Variants in SPAST observed in about 807,000 individuals in gnomAD.
SPAST encodes spastic paraplegia 4 (autosomal dominant; spastin).
In SPAST, 30 loss-of-function variants were observed where a neutral mutation model predicts 76.6. That is an observed-to-expected ratio of 0.39 (90% CI 0.29 to 0.53). The LOEUF (loss-of-function observed/expected upper bound fraction) is 0.53. Ranked by LOEUF, SPAST falls within the 20% of genes least tolerant of loss-of-function variation. SPAST has a pLI of 0.68. For missense variants in SPAST, 717 were observed against 770.5 expected (o/e 0.93, Z 0.82); for synonymous variants, 305 against 281.0 (o/e 1.09, Z -0.86).
At position 32,063,894 on chromosome 2, in the gene SPAST, T is replaced by C. The variant is rs1676388360; in HGVS notation, c.63T>C (p.Pro21=). 6.3e-7 allele frequency: 1 copy of C among 1,580,664 alleles called. No individual in the cohort carries two copies. The highest frequency in any genetic ancestry group is 2.3e-5 in the East Asian group (1 of 43,598). ...KGSGGASNPV[P]PRPPPPCLAP... ...CCGGCGGCGCCAGCAACCCGGTGCC[T>C]CCCAGGCCTCCGCCCCCTTGCCTGG... Residue 21 remains proline (P), a synonymous_variant, in exon 1 of 17, where the codon CCT becomes CCC. Transcript: ENST00000315285.
rs886268482 is a variant in SPAST at position 32,135,501 on chromosome 2, G to A, written c.1246-1062G>A. Among the ~76,000 whole-genome samples, 3 of 152,014 alleles carry A rather than the reference G, an allele frequency of 2.0e-5. No homozygotes were observed. In the East Asian group the frequency reaches 5.8e-4, roughly 29 times the overall value. ...TTTTAAGTTAAATCTTCAGTAAAAAGAATAAATGCCACCTAGAGGACAGAA... is the reference window on the plus strand; with the variant it reads ...TTTTAAGTTAAATCTTCAGTAAAAAAAATAAATGCCACCTAGAGGACAGAA... On this transcript the variant is annotated intron_variant, in intron 9 of 16. Coordinates refer to ENST00000315285, the MANE Select transcript of SPAST (RefSeq NM_014946.4).
intron 1 of SPAST, among the ~76,000 whole-genome samples, chr2:32,081,738 C>G (rs988215044): frequency 4.7e-5 from 6 of 127,818 alleles, no homozygotes; most frequent in Non-Finnish European, 7.8e-5. Context: ...AAGCCGAGAT[C>G]ATACCATTTC....
chr2:32,116,263 CATA>C, intron 7 of SPAST, 51 bp downstream of exon 7: 1 of 1,112,842 alleles, frequency 9.0e-7, no homozygotes, highest in Non-Finnish European at 1.4e-6. Context: ...TTACTGAATC[CATA>C]GTAGTAGTAG....
chr2:32,092,172 C>G (rs1558308056), intron 3 of SPAST, among the ~76,000 whole-genome samples: 1 of 152,196 alleles, frequency 6.6e-6, no homozygotes, highest in East Asian at 1.9e-4. Context: ...GTTAAAAATG[C>G]AGCCGTTACT....
intron 1 of SPAST, among the ~76,000 whole-genome samples, chr2:32,075,480 C>CAA (rs70938316): frequency 0.015 from 1,456 of 96,594 alleles, 14 homozygotes; most frequent in Non-Finnish European, 0.024. Flanking sequence ...ATTGTGATGA[C>CAA]AAAAAAAAAA....
At chr2:32,124,513 C>A (rs1156462928) in intron 7 of SPAST, among the ~76,000 whole-genome samples, 3 of 152,048 alleles carry the variant, frequency 2.0e-5, no homozygotes, top group Admixed American at 6.6e-5. Flanking sequence ...AAACTCTTAC[C>A]ATATGGTCCA....
intron 4 of SPAST, among the ~76,000 whole-genome samples, chr2:32,099,520 GT>G (rs1230064754): frequency 6.6e-6 from 1 of 152,014 alleles, no homozygotes; most frequent in Non-Finnish European, 1.5e-5. Flanking sequence ...CTAGCTTTTT[GT>G]TTAATTAAAA....
chr2:32,126,089 G>A (rs961383422), intron 7 of SPAST, among the ~76,000 whole-genome samples: 3 of 152,088 alleles, frequency 2.0e-5, no homozygotes, highest in Non-Finnish European at 4.4e-5. Context: ...GCCACTGTAA[G>A]CCACCGTGCC....
intron 1 of SPAST, among the ~76,000 whole-genome samples, chr2:32,073,181 A>G (rs926732464): frequency 4.6e-5 from 7 of 152,352 alleles, no homozygotes; most frequent in Middle Eastern, 3.4e-3. Flanking sequence ...AAGGATAGTT[A>G]GTAAATGGAT....
intron 3 of SPAST, among the ~76,000 whole-genome samples, chr2:32,094,192 T>C (rs755301146): frequency 1.3e-5 from 2 of 152,210 alleles, no homozygotes; most frequent in African/African-American, 2.4e-5. Flanking sequence ...TTCTGAGTTA[T>C]TGAAAGACAG....
chr2:32,101,959 C>G (rs2148720218), intron 4 of SPAST, among the ~76,000 whole-genome samples: 1 of 152,286 alleles, frequency 6.6e-6, no homozygotes, highest in African/African-American at 2.4e-5. Context: ...GCAATGCAGG[C>G]TCTTTTTTGG....
intron 13 of SPAST, among the ~76,000 whole-genome samples, chr2:32,142,243 A>C (rs1372463581): frequency 6.6e-6 from 1 of 152,178 alleles, no homozygotes; most frequent in Non-Finnish European, 1.5e-5. Context: ...GAATAAACAA[A>C]TGTGGTATAT....
chr2:32,112,792 C>T (rs1678666482), intron 4 of SPAST, among the ~76,000 whole-genome samples: 1 of 151,926 alleles, frequency 6.6e-6, no homozygotes, highest in Admixed American at 6.6e-5. Context: ...TTTTCTTAAA[C>T]CGTATTAAGA....
chr2:32,113,225 A>C (rs1678683873), intron 4 of SPAST, among the ~76,000 whole-genome samples: 1 of 151,688 alleles, frequency 6.6e-6, no homozygotes, highest in African/African-American at 2.4e-5. Context: ...AGCTGGAACT[A>C]CAGGGATGTG....
At chr2:32,101,208 C>A (rs1275836044) in intron 4 of SPAST, among the ~76,000 whole-genome samples, 1 of 152,240 alleles carries the variant, frequency 6.6e-6, no homozygotes, top group South Asian at 2.1e-4. Context: ...TCTCTGATGG[C>A]CAGTGATGAT....
Position 32,064,140 on chromosome 2 carries a change from G to T in SPAST, c.309G>T (p.Ser103=), listed in dbSNP as rs772530333. The stretch of plus-strand genomic sequence containing the variant: ...CCGCGCCAGCACCTGCCTCGGCCTC[G>T]GCCCCGGCGCCGGTGCCGGGCGGCG... ...SGAAPAPASA[S]APAPVPGGEA... The change falls in exon 1 of 17, where the codon TCG becomes TCT. Residue 103 remains serine (S), a synonymous_variant. Coordinates refer to ENST00000315285, the MANE Select transcript of SPAST (RefSeq NM_014946.4). 1 of 1,567,702 alleles carries T rather than the reference G, an allele frequency of 6.4e-7. No homozygotes were observed. The highest frequency in any genetic ancestry group is 1.9e-5 in the Admixed American group (1 of 52,172).
chr2:32,063,719 G>T lies in SPAST; in HGVS notation c.-113G>T. On this transcript the variant is annotated 5_prime_UTR_variant, in exon 1 of 17. Coordinates refer to ENST00000315285, the MANE Select transcript of SPAST (RefSeq NM_014946.4). Reference sequence around the variant, plus strand: ...GCGGCAGTGCGGAGCTCCTGAGACCGGCGGGCACACGGGGGTCTGTGGCCC... The same window carrying T: ...GCGGCAGTGCGGAGCTCCTGAGACCTGCGGGCACACGGGGGTCTGTGGCCC... The T allele has an allele frequency of 1.4e-6, 2 of 1,418,856 alleles. No homozygotes were observed. Among genetic ancestry groups the T allele is most frequent in the Non-Finnish European group, 1.9e-6 (2 of 1,061,138 alleles). 87.9% of individuals were successfully genotyped at this position (1,418,856 alleles called of 1,614,324 possible). A position where few individuals can be genotyped will look rare whatever the true frequency, so the allele number is the denominator to read the frequency against.
intron 1 of SPAST, among the ~76,000 whole-genome samples, chr2:32,072,880 T>C (rs1168362171): frequency 6.6e-6 from 1 of 152,224 alleles, no homozygotes; most frequent in Non-Finnish European, 1.5e-5. Flanking sequence ...CTTTGAAGTT[T>C]CTCTGATTAA....
chr2:32,120,026 CTTT>C (rs1334920064), intron 7 of SPAST, among the ~76,000 whole-genome samples: 1 of 143,708 alleles, frequency 7.0e-6, no homozygotes. Context: ...TTCTTTCTTT[CTTT>C]TTTTTTTTTT....
Sources: allele counts gnomAD v4.1 joint callset (sites outside exome capture counted in the v4.1 genomes callset), GRCh38; gene constraint gnomAD v4.1.1; transcripts MANE v1.5; gene names NCBI Gene and HGNC (gene_info 2026-07-23, HGNC 2026-07-21).